PLIN3: variants seen among roughly 807,000 people sequenced by gnomAD.
The protein encoded by PLIN3 is perilipin 3, also known as perilipin-3.
Under a neutral mutation model 35.9 loss-of-function variants are expected in PLIN3, and 30 were observed. The ratio of observed to expected loss-of-function variants is 0.84; its 90% confidence interval spans 0.62 to 1.13. PLIN3 has a LOEUF of 1.13. PLIN3 is among the 50% of genes most tolerant of loss of function. PLIN3 has a pLI of 0.00. For missense variants in PLIN3, 603 were observed against 596.9 expected (o/e 1.01, Z -0.11); for synonymous variants, 261 against 262.5 (o/e 0.99, Z 0.06).
rs374334702 is a variant in PLIN3 at position 4,852,040 on chromosome 19, G to A, written c.610C>T (p.Leu204=). 11 of 1,613,766 alleles carry A rather than the reference G, an allele frequency of 6.8e-6. 1 individual carries two copies. The African/African-American group carries it at 1.5e-4, about 22-fold the overall frequency. The change falls in exon 5 of 8, where the codon CTG becomes TTG. Residue 204 remains leucine, a synonymous_variant. Transcript: ENST00000221957. ...GKSEEWADNH[L]PLTDAELARI... is the part of the protein sequence containing the mutation. Reference sequence around the variant, plus strand: ...CCCAGTTCGGCATCCGTAAGGGGCAGGTGGTTGTCCGCCCACTCCTCCGAC... The same window carrying A: ...CCCAGTTCGGCATCCGTAAGGGGCAAGTGGTTGTCCGCCCACTCCTCCGAC...
chr19:4,844,587 T>C lies in PLIN3; in HGVS notation c.960+81A>G, dbSNP rs1246758350. On this transcript the variant is annotated intron_variant, in intron 7 of 7. Transcript: ENST00000221957. Reference sequence around the variant, plus strand: ...GGCTAGGGAAATCATTCGAAGCAGGTAGGCCCATGAAGCAGAGGTGTAGAG... The same window carrying C: ...GGCTAGGGAAATCATTCGAAGCAGGCAGGCCCATGAAGCAGAGGTGTAGAG... 9.3e-6 allele frequency: 13 copies of C among 1,391,262 alleles called. No homozygotes were observed. The South Asian group carries it at 1.5e-4, about 16-fold the overall frequency. 86.2% of individuals were successfully genotyped at this position (1,391,262 alleles called of 1,614,324 possible). A position where few individuals can be genotyped will look rare whatever the true frequency, so the allele number is the denominator to read the frequency against.
Position 4,847,707 on chromosome 19 carries a change from G to T in PLIN3, c.818C>A (p.Ser273Ter). 1.2e-6 allele frequency: 2 copies of T among 1,604,728 alleles called. No individual in the cohort carries two copies. The highest frequency in any genetic ancestry group is 2.2e-5 in the South Asian group (2 of 89,774). Reference sequence around the variant, plus strand: ...GAACCTCACCAGGCTTAGGACCTGCGACAGCTGCAGCAGAGCCTCCTGTGC... The same window carrying T: ...GAACCTCACCAGGCTTAGGACCTGCTACAGCTGCAGCAGAGCCTCCTGTGC... ...QRAQEALLQL[S>*]QVLSLMETVK... is the part of the protein sequence containing the mutation. The change falls in exon 6 of 8, where the codon TCG becomes TAG. Residue 273 changes from serine (S) to a stop codon, truncating the protein, a stop_gained. Coordinates refer to ENST00000221957, the MANE Select transcript of PLIN3 (RefSeq NM_005817.5). LOFTEE classifies it high-confidence loss of function.
At chr19:4,840,257 C>T (rs1391698401) in intron 7 of PLIN3, among the ~76,000 whole-genome samples, 2 of 151,880 alleles carry the variant, frequency 1.3e-5, no homozygotes, top group African/African-American at 2.4e-5. Flanking sequence ...TGAACCACCG[C>T]GCCCAGACTC....
chr19:4,860,414 A>G (rs989100189), intron 2 of PLIN3, among the ~76,000 whole-genome samples: 4 of 151,758 alleles, frequency 2.6e-5, no homozygotes, highest in Non-Finnish European at 5.9e-5. Flanking sequence ...CATGTTGGCC[A>G]GGCTGGTCTT....
At chr19:4,844,870 C>T in intron 6 of PLIN3, 77 bp from the exon 7 acceptor site, 1 of 1,454,424 alleles carries the variant, frequency 6.9e-7, no homozygotes, top group Non-Finnish European at 9.2e-7. Context: ...CCCAAGGAAT[C>T]CTTCCAGCAT....
At chr19:4,843,597 T>G (rs1383501751) in intron 7 of PLIN3, among the ~76,000 whole-genome samples, 3 of 151,916 alleles carry the variant, frequency 2.0e-5, no homozygotes, top group Admixed American at 6.6e-5. Flanking sequence ...TTTGGAAGGC[T>G]GAAGTGGGAG....
chr19:4,839,145 A>C lies in PLIN3; in HGVS notation c.*47T>G. The C allele has an allele frequency of 2.1e-6, 3 of 1,433,438 alleles. No homozygotes were observed. The highest frequency in any genetic ancestry group is 2.8e-5 in the African/African-American group (2 of 70,984). 88.8% of individuals were successfully genotyped at this position (1,433,438 alleles called of 1,614,324 possible). A position where few individuals can be genotyped will look rare whatever the true frequency, so the allele number is the denominator to read the frequency against. Reference sequence around the variant, plus strand: ...AGCCCCGGGTTGAGGACTCCAGAGCACAGCTGCATTATAGAGACGGGGCCC... The same window carrying C: ...AGCCCCGGGTTGAGGACTCCAGAGCCCAGCTGCATTATAGAGACGGGGCCC... On this transcript the variant is annotated 3_prime_UTR_variant, in exon 8 of 8. Transcript: ENST00000221957.
intron 2 of PLIN3, 38 bp from the exon 3 acceptor site, chr19:4,860,062 G>T (rs750973371): frequency 3.1e-6 from 5 of 1,590,184 alleles, no homozygotes; most frequent in Non-Finnish European, 3.4e-6. Flanking sequence ...CTGGGTGGGG[G>T]AAGATGGGGA....
rs780858613 is a variant in PLIN3, at chr19:4,839,174, G to A, written c.*18C>T. ...CTGCATTATAGAGACGGGGCCCGCT[G>A]AGTCCTCTCCTCTCCCCCTACTTCT... is the stretch of plus-strand genomic sequence containing the variant. On this transcript the variant is annotated 3_prime_UTR_variant, in exon 8 of 8. Coordinates refer to ENST00000221957, the MANE Select transcript of PLIN3 (RefSeq NM_005817.5). 3 of 1,576,168 alleles carry A rather than the reference G, an allele frequency of 1.9e-6. No homozygotes were observed. Among genetic ancestry groups the A allele is most frequent in the Non-Finnish European group, 2.6e-6 (3 of 1,154,242 alleles).
intron 1 of PLIN3, among the ~76,000 whole-genome samples, chr19:4,863,531 C>T (rs971401125): frequency 6.9e-6 from 1 of 144,304 alleles, no homozygotes; most frequent in African/African-American, 2.6e-5. Flanking sequence ...AAATGTAACT[C>T]ACATGGGCCA....
chr19:4,865,616 C>T (rs2030820158), intron 1 of PLIN3, among the ~76,000 whole-genome samples: 1 of 152,050 alleles, frequency 6.6e-6, no homozygotes, highest in Admixed American at 6.6e-5. Flanking sequence ...AATGAGGCCC[C>T]ACCTCCTGGT....
At chr19:4,851,945 G>A (rs2030304611) in intron 5 of PLIN3, 71 bp downstream of exon 5, 3 of 1,494,616 alleles carry the variant, frequency 2.0e-6, no homozygotes, top group Admixed American at 1.9e-5. Flanking sequence ...ACAGACCCCA[G>A]GAGGCCGACA....
At chr19:4,864,135 GTGTGTGTGTGTGTGTGGTTT>G (rs2030768741) in intron 1 of PLIN3, among the ~76,000 whole-genome samples, 1 of 53,440 alleles carries the variant, frequency 1.9e-5, no homozygotes, top group African/African-American at 5.6e-5. Flanking sequence ...GTGTGTGTGT[GTGTGTGTGTGTGTGTGGTTT>G]TGTTTTTTTT....
At chr19:4,853,335 AT>A (rs2030366902) in intron 4 of PLIN3, among the ~76,000 whole-genome samples, 1 of 150,230 alleles carries the variant, frequency 6.7e-6, no homozygotes, top group Admixed American at 6.7e-5. Context: ...TTATTTATTA[AT>A]TTTTTTGAGG....
chr19:4,864,027 C>T (rs1352446306), intron 1 of PLIN3, among the ~76,000 whole-genome samples: 3 of 151,652 alleles, frequency 2.0e-5, no homozygotes, highest in Admixed American at 6.6e-5. Context: ...CTGTCTCCTA[C>T]GCTCAAGCAA....
At chr19:4,849,954 A>AT (rs1320633638) in intron 5 of PLIN3, among the ~76,000 whole-genome samples, 2 of 145,268 alleles carry the variant, frequency 1.4e-5, no homozygotes, top group Non-Finnish European at 3.0e-5. Flanking sequence ...CCTGGCCTTT[A>AT]TTTTTTTTGA....
intron 2 of PLIN3, among the ~76,000 whole-genome samples, chr19:4,860,450 A>G (rs903495783): frequency 6.6e-6 from 1 of 151,684 alleles, no homozygotes; most frequent in Admixed American, 6.6e-5. Flanking sequence ...TGATTCGCCC[A>G]CCTCAGCCTC....
At position 4,844,767 on chromosome 19, in the gene PLIN3, A is replaced by G. The variant is rs1456997261; in HGVS notation, c.861T>C (p.Asp287=). Residue 287 remains aspartate (D), a synonymous_variant, in exon 7 of 8, where the codon GAT becomes GAC. Coordinates refer to ENST00000221957, the MANE Select transcript of PLIN3 (RefSeq NM_005817.5). ...TCTCCTGGCCTTCCACCAGCTTCTGATCAACGCCTTGCTTGACAGTTTCCA... is the reference window on the plus strand; with the variant it reads ...TCTCCTGGCCTTCCACCAGCTTCTGGTCAACGCCTTGCTTGACAGTTTCCA... ...SLMETVKQGV[D]QKLVEGQEKL... is the part of the protein sequence containing the mutation. The G allele has an allele frequency of 1.2e-6, 2 of 1,602,226 alleles. No homozygotes were observed. The highest frequency in any genetic ancestry group is 3.5e-5 in the Admixed American group (2 of 57,836).
intron 1 of PLIN3, chr19:4,867,069 A>G (rs1212565203): frequency 6.6e-6 from 1 of 152,188 alleles, no homozygotes. Flanking sequence ...CGCCACGCCC[A>G]CCCGAGGGAA....
Sources: allele counts gnomAD v4.1 joint callset (sites outside exome capture counted in the v4.1 genomes callset), GRCh38; gene constraint gnomAD v4.1.1; transcripts MANE v1.5; gene names NCBI Gene and HGNC (gene_info 2026-07-23, HGNC 2026-07-21).